The following AADACL3 variants were observed in gnomAD, a reference collection of about 807,000 sequenced individuals.
The protein encoded by AADACL3 is arylacetamide deacetylase-like 3.
A neutral mutation model predicts 13.6 loss-of-function variants in AADACL3; 13 were observed. The ratio of observed to expected loss-of-function variants is 0.95; its 90% CI spans 0.62 to 1.52. AADACL3 has a LOEUF of 1.52. AADACL3 is among the 40% of genes most tolerant of loss of function. The probability of loss-of-function intolerance (pLI) is 0.00; values close to 1 mark genes in which losing one functional copy is unlikely to be tolerated. For missense variants in AADACL3, 519 were observed against 499.2 expected (o/e 1.04, Z -0.38); for synonymous variants, 195 against 197.0 (o/e 0.99, Z 0.08).
rs1227754874 is a variant in AADACL3 at position 12,725,365 on chromosome 1, T to G, written c.593T>G (p.Ile198Arg). 3.7e-6 allele frequency: 6 copies of G among 1,613,980 alleles called. No individual in the cohort carries two copies. Among genetic ancestry groups the G allele is most frequent in the Non-Finnish European group, 5.1e-6 (6 of 1,180,016 alleles). ...TGCGGTGACAGTTTCGGAGGGGCAA[T>G]AGCCGCAGTGGTTTGTCAACAACTT... ...VVCGDSFGGA[I>R]AAVVCQQLVD... is the part of the protein sequence containing the mutation. Residue 198 changes from isoleucine (I) to arginine (R), a missense_variant, in exon 4 of 4, where the codon ATA becomes AGA. Physicochemically the swap from Ile to Arg is moderately conservative, Grantham distance 97. Transcript: ENST00000359318.
intron 2 of AADACL3, among the ~76,000 whole-genome samples, chr1:12,720,499 T>C (rs1032746447): frequency 2.6e-5 from 4 of 152,186 alleles, no homozygotes; most frequent in Admixed American, 2.0e-4. Context: ...ATTACCCCAG[T>C]TCACAGATGA....
Position 12,720,646 on chromosome 1 carries a change from A to C in AADACL3, c.386-237A>C, listed in dbSNP as rs1452067040. Among the ~76,000 whole-genome samples the C allele has an allele frequency of 2.0e-5, 3 of 152,168 alleles. No individual in the cohort carries two copies. The East Asian group carries it at 5.8e-4, about 29-fold the overall frequency. Reference sequence around the variant, plus strand: ...AAACCTCTGCGTTCTACAGTCAAAGAGCTTCACAGATATTTTTAATGGCTT... The same window carrying C: ...AAACCTCTGCGTTCTACAGTCAAAGCGCTTCACAGATATTTTTAATGGCTT... On this transcript the variant is annotated intron_variant, in intron 2 of 3. Coordinates refer to ENST00000359318, the MANE Select transcript of AADACL3 (RefSeq NM_001103170.3).
Position 12,725,234 on chromosome 1 carries a change from A to T in AADACL3, c.462A>T (p.Leu154Phe). 1 of 1,600,848 alleles carries T rather than the reference A, an allele frequency of 6.2e-7. No individual in the cohort carries two copies. Among genetic ancestry groups the T allele is most frequent in the East Asian group, 2.2e-5 (1 of 44,740 alleles). ...GATTCCTTTTTAGTTACCGCAAGTTACCTAAGCATAAGTTTCCAGTGCCAG... is the reference window on the plus strand; with the variant it reads ...GATTCCTTTTTAGTTACCGCAAGTTTCCTAAGCATAAGTTTCCAGTGCCAG... ...SVVLAVGYRK[L>F]PKHKFPVPVR... Residue 154 changes from leucine (L) to phenylalanine (F), a missense_variant, in exon 4 of 4, where the codon TTA becomes TTT. Leu to Phe is a conservative substitution (Grantham distance 22). Transcript: ENST00000359318.
rs1638396640 is a variant in AADACL3 at position 12,727,644 on chromosome 1, A to G, written c.*1648A>G. The G allele has an allele frequency of 6.6e-6, 1 of 152,240 alleles. No homozygotes were observed. The highest frequency in any genetic ancestry group is 1.5e-5 in the Non-Finnish European group (1 of 68,050). 9.4% of individuals were successfully genotyped at this position (152,240 alleles called of 1,614,324 possible). Reference sequence around the variant, plus strand: ...TTCAGTTGAATATTTGGGCTGAACTATGAGGCAGAGAGGAATCCCATTGGG... The same window carrying G: ...TTCAGTTGAATATTTGGGCTGAACTGTGAGGCAGAGAGGAATCCCATTGGG... On this transcript the variant is annotated 3_prime_UTR_variant, in exon 4 of 4. Transcript: ENST00000359318.
intron 3 of AADACL3, among the ~76,000 whole-genome samples, chr1:12,724,186 C>T (rs1638321595): frequency 6.6e-6 from 1 of 152,176 alleles, no homozygotes; most frequent in Non-Finnish European, 1.5e-5. Context: ...GATCCTATCC[C>T]TGCAGCTCAG....
intron 1 of AADACL3, among the ~76,000 whole-genome samples, chr1:12,718,568 C>T (rs1648492257): frequency 6.6e-6 from 1 of 152,030 alleles, no homozygotes; most frequent in South Asian, 2.1e-4. Flanking sequence ...ATGATCTCGG[C>T]TTACTGCAAC....
At chr1:12,718,841 G>A (rs992459220) in intron 1 of AADACL3, among the ~76,000 whole-genome samples, 1 of 152,160 alleles carries the variant, frequency 6.6e-6, no homozygotes, top group Non-Finnish European at 1.5e-5. Context: ...ATATACCAAA[G>A]GGGAACAGGG....
intron 1 of AADACL3, among the ~76,000 whole-genome samples, chr1:12,718,780 T>C (rs1330962711): frequency 6.6e-6 from 1 of 152,150 alleles, no homozygotes; most frequent in Non-Finnish European, 1.5e-5. Context: ...GGATTACAGG[T>C]ATCAGCCACT....
Position 12,726,201 on chromosome 1 carries a change from G to A in AADACL3, c.*205G>A, listed in dbSNP as rs1037224746. 3 of 596,350 alleles carry A rather than the reference G, an allele frequency of 5.0e-6. No individual in the cohort carries two copies. Among genetic ancestry groups the A allele is most frequent in the Non-Finnish European group, 8.6e-6 (3 of 348,156 alleles). The allele number at this position is 596,350 out of a possible 1,614,324, so 36.9% of individuals were successfully genotyped here. On this transcript the variant is annotated 3_prime_UTR_variant, in exon 4 of 4. Transcript: ENST00000359318. ...CGTGGTAGAAAAGACAGGTTTGGAG[G>A]TGGGAGTGTGGCTGTCTCTATTCTC... is the stretch of plus-strand genomic sequence containing the variant.
chr1:12,719,284 G>T (rs896634199), intron 1 of AADACL3, among the ~76,000 whole-genome samples, 191 bp from the exon 2 acceptor site: 6 of 152,186 alleles, frequency 3.9e-5, no homozygotes, highest in African/African-American at 1.4e-4. Flanking sequence ...GGCCACCTGG[G>T]CCTGCATGGG....
Position 12,725,347 on chromosome 1 carries a change from A to T in AADACL3, c.575A>T (p.Asp192Val), listed in dbSNP as rs1638343655. The T allele has an allele frequency of 6.2e-7, 1 of 1,614,084 alleles. No individual in the cohort carries two copies. The highest frequency in any genetic ancestry group is 8.5e-7 in the Non-Finnish European group (1 of 1,180,012). The change falls in exon 4 of 4, where the codon GAC becomes GTC. Residue 192 changes from aspartate to valine, a missense_variant. Transcript: ENST00000359318. ...CCAGCCCGGGTTGTGGTCTGCGGTG[A>T]CAGTTTCGGAGGGGCAATAGCCGCA... ...VDPARVVVCG[D>V]SFGGAIAAVV...
chr1:12,717,845 G>A (rs1648473001), intron 1 of AADACL3, among the ~76,000 whole-genome samples: 1 of 151,838 alleles, frequency 6.6e-6, no homozygotes. Context: ...AGAACATAAG[G>A]GGGTCATGGA....
chr1:12,719,246 T>TG (rs1648511007), intron 1 of AADACL3, among the ~76,000 whole-genome samples: 1 of 151,356 alleles, frequency 6.6e-6, no homozygotes, highest in Non-Finnish European at 1.5e-5. Flanking sequence ...GTCAGGAGAG[T>TG]GGGTTGAGAG....
intron 3 of AADACL3, among the ~76,000 whole-genome samples, chr1:12,723,004 A>AT (rs1053160738): frequency 3.3e-5 from 5 of 152,072 alleles, no homozygotes; most frequent in Non-Finnish European, 7.4e-5. Context: ...TTATTTAAAA[A>AT]TTTTTTAAAA....
chr1:12,717,636 T>C (rs184694721), intron 1 of AADACL3, among the ~76,000 whole-genome samples: 1 of 152,146 alleles, frequency 6.6e-6, no homozygotes, highest in East Asian at 1.9e-4. Context: ...GCTTGTAGGG[T>C]CCAGGCAGTG....
Position 12,725,685 on chromosome 1 carries a change from G to A in AADACL3, c.913G>A (p.Glu305Lys). ...KERGYQLKPH[E>K]PMNEAAYLEV... ...GAGGGGTTACCAACTGAAGCCCCAT[G>A]AGCCCATGAATGAAGCTGCTTACTT... The change falls in exon 4 of 4, where the codon GAG becomes AAG. Residue 305 changes from glutamate (E) to lysine (K), a missense_variant. By Grantham distance (56) the Glu-to-Lys change is moderately conservative. Coordinates refer to ENST00000359318, the MANE Select transcript of AADACL3 (RefSeq NM_001103170.3). The A allele has an allele frequency of 2.5e-6, 4 of 1,614,132 alleles. No homozygotes were observed. The highest frequency in any genetic ancestry group is 2.2e-5 in the East Asian group (1 of 44,878).
intron 2 of AADACL3, 96 bp downstream of exon 2, chr1:12,719,787 T>TATTA: frequency 7.8e-7 from 1 of 1,285,516 alleles, no homozygotes; most frequent in Non-Finnish European, 1.1e-6. Flanking sequence ...AGTATGCTAT[T>TATTA]ATTATCAGGG....
Position 12,726,932 on chromosome 1 carries a change from G to A in AADACL3, c.*936G>A, listed in dbSNP as rs560099371. ...AAAGACAATAGATTGGCTTAGGTAG[G>A]GATGCATGCTAGGCATACATCAGGC... On this transcript the variant is annotated 3_prime_UTR_variant, in exon 4 of 4. Transcript: ENST00000359318. 6.6e-6 allele frequency: 1 copy of A among 152,334 alleles called. No homozygotes were observed. The highest frequency in any genetic ancestry group is 2.4e-5 in the African/African-American group (1 of 41,540). 9.4% of individuals were successfully genotyped at this position (152,334 alleles called of 1,614,324 possible). A position where few individuals can be genotyped will look rare whatever the true frequency, so the allele number is the denominator to read the frequency against.
At chr1:12,721,386 C>A (rs894661537) in intron 3 of AADACL3, among the ~76,000 whole-genome samples, 63 of 152,108 alleles carry the variant, frequency 4.1e-4, no homozygotes, top group African/African-American at 1.4e-3. Flanking sequence ...CAGAACAAGA[C>A]CCTGTCTTAA....
Sources: allele counts gnomAD v4.1 joint callset (sites outside exome capture counted in the v4.1 genomes callset), GRCh38; gene constraint gnomAD v4.1.1; transcripts MANE v1.5; gene names NCBI Gene and HGNC (gene_info 2026-07-23, HGNC 2026-07-21).